Variants in STX8 observed in about 807,000 individuals in gnomAD.
The protein encoded by STX8 is syntaxin 8, also known as syntaxin-8.
A neutral mutation model predicts 37.5 loss-of-function variants in STX8; 23 were observed. The observed-to-expected ratio is 0.61, with a 90% CI of 0.44 to 0.87. The LOEUF is 0.87. Ranked by LOEUF, STX8 falls within the 40% of genes least tolerant of loss-of-function variation. The pLI is 0.00. For missense variants in STX8, 313 were observed against 284.7 expected (o/e 1.10, Z -0.71); for synonymous variants, 115 against 99.1 (o/e 1.16, Z -0.95).
intron 1 of STX8, 73 bp from the exon 2 acceptor site, chr17:9,568,543 C>T (rs1016939575): frequency 1.6e-6 from 2 of 1,281,450 alleles, no homozygotes; most frequent in Non-Finnish European, 2.2e-6. Context: ...CTCTGTCGCC[C>T]AGGCTGGAGT....
At chr17:9,429,596 G>A (rs1431001497) in intron 6 of STX8, among the ~76,000 whole-genome samples, 19 of 136,498 alleles carry the variant, frequency 1.4e-4, no homozygotes, top group South Asian at 4.4e-4. Context: ...CCAGCTACTC[G>A]GGAGGCTGAG....
chr17:9,376,470 C>A lies in STX8; in HGVS notation c.643+2082G>T, dbSNP rs141578137. 3.0e-3 allele frequency among the ~76,000 whole-genome samples: 454 copies of A among 152,304 alleles called. 4 individuals carry two copies. The highest frequency in any genetic ancestry group is 0.011 in the African/African-American group (437 of 41,544). On this transcript the variant is annotated intron_variant, in intron 7 of 7. Coordinates refer to ENST00000306357, the MANE Select transcript of STX8 (RefSeq NM_004853.3). ...TCAGCACTCTGTAAAATGGACCAAT[C>A]AGCACTCTGTAAAATAGACCAATCA...
chr17:9,333,961 G>T (rs1315048804), intron 7 of STX8, among the ~76,000 whole-genome samples: 1 of 152,146 alleles, frequency 6.6e-6, no homozygotes, highest in Non-Finnish European at 1.5e-5. Flanking sequence ...CGGCTGAGCA[G>T]GAGACTGGAG....
At chr17:9,549,192 G>A (rs6503229) in intron 3 of STX8, among the ~76,000 whole-genome samples, 138,219 of 152,210 alleles carry the variant, frequency 0.91, 64,203 homozygotes, top group East Asian at 1. Context: ...AATGAGAAAT[G>A]TATCAGTAGA....
intron 6 of STX8, among the ~76,000 whole-genome samples, chr17:9,482,926 C>T (rs1424765403): frequency 6.6e-6 from 1 of 151,898 alleles, no homozygotes; most frequent in East Asian, 1.9e-4. Context: ...AAAAACAAAA[C>T]AAAACAAAAA....
chr17:9,376,666 A>G (rs1911598894), intron 7 of STX8, among the ~76,000 whole-genome samples: 1 of 152,222 alleles, frequency 6.6e-6, no homozygotes, highest in African/African-American at 2.4e-5. Flanking sequence ...GAGCAGTAAC[A>G]CCGGCTGCAA....
At chr17:9,526,263 C>T (rs964409669) in intron 4 of STX8, among the ~76,000 whole-genome samples, 2 of 152,156 alleles carry the variant, frequency 1.3e-5, no homozygotes, top group African/African-American at 4.8e-5. Flanking sequence ...ATGGGCACAA[C>T]GACTTCTCTA....
chr17:9,430,108 T>C (rs1350124051), intron 6 of STX8, among the ~76,000 whole-genome samples: 1 of 95,558 alleles, frequency 1.0e-5, no homozygotes, highest in Non-Finnish European at 2.0e-5. Context: ...ATATATATTT[T>C]ATATATAAAT....
chr17:9,355,849 G>A (rs773405373), intron 7 of STX8, among the ~76,000 whole-genome samples: 2 of 151,878 alleles, frequency 1.3e-5, no homozygotes, highest in South Asian at 2.1e-4. Flanking sequence ...ACAGGGTCTC[G>A]CTATTTTGAC....
chr17:9,492,828 G>A (rs975202591), intron 5 of STX8, among the ~76,000 whole-genome samples: 2 of 152,182 alleles, frequency 1.3e-5, no homozygotes, highest in African/African-American at 4.8e-5. Flanking sequence ...AGTCGCGGTG[G>A]CTCACGCCTG....
chr17:9,370,922 G>GA (rs11435753), intron 7 of STX8, among the ~76,000 whole-genome samples: 42,729 of 141,324 alleles, frequency 0.3, 6,447 homozygotes, highest in Middle Eastern at 0.4. Context: ...TTAGAAGCTA[G>GA]AAAAAAAAAA....
At chr17:9,421,412 A>ATTT (rs60518405) in intron 6 of STX8, among the ~76,000 whole-genome samples, 8 of 65,152 alleles carry the variant, frequency 1.2e-4, no homozygotes, top group East Asian at 8.3e-4. Context: ...AAAAAAAAAA[A>ATTT]TTTTTTTTTT....
chr17:9,327,983 CTTCTT>C (rs949938304), intron 7 of STX8, among the ~76,000 whole-genome samples: 1 of 148,128 alleles, frequency 6.8e-6, no homozygotes, highest in Non-Finnish European at 1.5e-5. Context: ...TCCTTCCTTC[CTTCTT>C]TTGTCTCTCT....
intron 4 of STX8, among the ~76,000 whole-genome samples, chr17:9,510,237 T>C (rs1904979026): frequency 6.6e-6 from 1 of 151,952 alleles, no homozygotes. Context: ...AGACAGAAAA[T>C]CAACAAAGAA....
intron 4 of STX8, among the ~76,000 whole-genome samples, chr17:9,529,129 TCTTAA>T (rs1459143006): frequency 6.6e-6 from 1 of 151,842 alleles, no homozygotes. Context: ...TAACATTCTG[TCTTAA>T]CTTTATAGGG....
intron 6 of STX8, among the ~76,000 whole-genome samples, chr17:9,461,920 C>T (rs527958691): frequency 6.6e-5 from 10 of 152,166 alleles, no homozygotes; most frequent in African/African-American, 2.4e-4. Context: ...CTAGATTTCC[C>T]TTGTATGTGC....
In STX8 at chr17:9,352,075, T is replaced by C. The variant is rs1240981833; in HGVS notation, c.643+26477A>G. On this transcript the variant is annotated intron_variant, in intron 7 of 7. Coordinates refer to ENST00000306357, the MANE Select transcript of STX8 (RefSeq NM_004853.3). ...CTGAGGCAGGAGGATTGTTTGAGCC[T>C]GGAAGATGGAGGGCTTCGGTGAGCT... Among the ~76,000 whole-genome samples, 3 of 150,118 alleles carry C rather than the reference T, an allele frequency of 2.0e-5. No homozygotes were observed. The East Asian group carries it at 5.9e-4, about 30-fold the overall frequency.
chr17:9,295,549 C>G (rs1908484779), intron 7 of STX8, among the ~76,000 whole-genome samples: 1 of 152,080 alleles, frequency 6.6e-6, no homozygotes, highest in Non-Finnish European at 1.5e-5. Context: ...TCGAGACCAG[C>G]CTGGCCAACA....
chr17:9,422,565 C>T (rs886481910), intron 6 of STX8, among the ~76,000 whole-genome samples: 3 of 152,192 alleles, frequency 2.0e-5, no homozygotes, highest in Non-Finnish European at 2.9e-5. Flanking sequence ...CTTTTGTGTC[C>T]GGCTTCTTTC....
Sources: gnomAD v4.1 joint callset for allele counts (sites outside exome capture counted in the v4.1 genomes callset) on GRCh38, gnomAD v4.1.1 for gene constraint, MANE v1.5 for transcripts, NCBI Gene and HGNC (gene_info 2026-07-23, HGNC 2026-07-21) for gene names.